BPIFB3: variants seen among roughly 807,000 people sequenced by gnomAD.
BPIFB3 encodes the protein BPI fold containing family B member 3.
BPIFB3 carries 49 observed loss-of-function variants against 53.1 expected under a neutral mutation model. The ratio of observed to expected loss-of-function variants is 0.92; its 90% confidence interval spans 0.73 to 1.17. BPIFB3 has a LOEUF of 1.17. Among genes scored for constraint, BPIFB3 ranks in the 50% most tolerant of loss-of-function variants. BPIFB3 has a pLI of 0.00. For synonymous variants in BPIFB3, 271 were observed against 269.6 expected (o/e 1.01, Z -0.05); for missense variants, 628 against 592.5 (o/e 1.06, Z -0.62).
chr20:33,068,259 T>C (rs1980744445), intron 9 of BPIFB3, among the ~76,000 whole-genome samples: 1 of 152,062 alleles, frequency 6.6e-6, no homozygotes, highest in Admixed American at 6.6e-5. Context: ...GAGCATGGAG[T>C]GGCGAAGCTG....
intron 11 of BPIFB3, 123 bp downstream of exon 12, chr20:33,070,078 T>G (rs1299853458): frequency 2.6e-6 from 3 of 1,154,956 alleles, no homozygotes; most frequent in Non-Finnish European, 3.8e-6. Context: ...TCCAGCATCC[T>G]CCTTGCCTTC....
At chr20:33,062,039 C>G (rs1980482372) in intron 5 of BPIFB3, among the ~76,000 whole-genome samples, 1 of 132,336 alleles carries the variant, frequency 7.6e-6, no homozygotes, top group African/African-American at 2.9e-5. Context: ...CGGCCTGGGT[C>G]CCCTGCTCCC....
At chr20:33,068,745 G>T in intron 9 of BPIFB3, 58 bp from the exon 11 acceptor site, 1 of 1,540,946 alleles carries the variant, frequency 6.5e-7, no homozygotes, top group Non-Finnish European at 8.8e-7. Flanking sequence ...AGTGTTTGCT[G>T]ACTGACTGAC....
At chr20:33,069,854 T>C in intron 10 of BPIFB3, 34 bp from the exon 12 acceptor site, 3 of 1,612,192 alleles carry the variant, frequency 1.9e-6, no homozygotes, top group Non-Finnish European at 2.5e-6. Context: ...CTTCTGCCGA[T>C]TGGGGGTGAC....
chr20:33,055,301 G>T, upstream of BPIFB3: 1 of 1,441,532 alleles, frequency 6.9e-7, no homozygotes, highest in South Asian at 1.3e-5. Flanking sequence ...TTTCCTGGGA[G>T]TGAAGCTCAA....
chr20:33,070,177 C>T (rs1980827905), intron 11 of BPIFB3, among the ~76,000 whole-genome samples: 1 of 152,194 alleles, frequency 6.6e-6, no homozygotes, highest in Non-Finnish European at 1.5e-5. Context: ...TGGGCTTCTT[C>T]CACGGCACCC....
intron 4 of BPIFB3, 56 bp downstream of exon 5, chr20:33,060,087 C>G: frequency 6.3e-7 from 1 of 1,579,288 alleles, no homozygotes; most frequent in South Asian, 1.1e-5. Context: ...ATCTCGCACC[C>G]ATCTGGGCAT....
intron 13 of BPIFB3, among the ~76,000 whole-genome samples, 156 bp downstream of exon 14, chr20:33,072,323 C>A (rs1315209753): frequency 6.6e-6 from 1 of 152,152 alleles, no homozygotes; most frequent in African/African-American, 2.4e-5. Context: ...CCAATTTTTC[C>A]ATTTAAATGA....
chr20:33,061,707 T>C, intron 4 of BPIFB3, 61 bp from the exon 6 acceptor site: 1 of 1,536,794 alleles, frequency 6.5e-7, no homozygotes, highest in Non-Finnish European at 9.0e-7. Flanking sequence ...CGCCCGACCC[T>C]GTCATCTGGG....
chr20:33,066,708 A>C (rs191652633), intron 8 of BPIFB3, 116 bp from the exon 10 acceptor site: 1 of 912,434 alleles, frequency 1.1e-6, no homozygotes, highest in Admixed American at 1.8e-5. Context: ...GTAGTGATAT[A>C]TGTATGAAAT....
chr20:33,068,059 G>T (rs191512449), intron 9 of BPIFB3, among the ~76,000 whole-genome samples: 1 of 152,218 alleles, frequency 6.6e-6, no homozygotes, highest in Non-Finnish European at 1.5e-5. Flanking sequence ...GGCAGTCAGC[G>T]TATATCCACT....
rs771909421 is a variant in BPIFB3 at position 33,068,662 on chromosome 20, G to A, written c.979-141G>A. On this transcript the variant is annotated intron_variant, in intron 9 of 14. Transcript: ENST00000375494. The stretch of plus-strand genomic sequence containing the variant: ...TGAGTGTCAGCCTCATGGGGGCTGA[G>A]CCCAGGCCTGTGTCTTTCAGGCTGT... 44 of 856,652 alleles carry A rather than the reference G, an allele frequency of 5.1e-5. 1 individual carries two copies. Among genetic ancestry groups the A allele is most frequent in the Non-Finnish European group, 5.7e-5 (32 of 560,630 alleles). The allele number at this position is 856,652 out of a possible 1,614,324, so 53.1% of individuals were successfully genotyped here.
At chr20:33,064,338 C>T in intron 6 of BPIFB3, 119 bp from the exon 8 acceptor site, 1 of 808,190 alleles carries the variant, frequency 1.2e-6, no homozygotes, top group Non-Finnish European at 2.0e-6. Flanking sequence ...CAGTAGCAGC[C>T]AAGTGAATGC....
upstream of BPIFB3, among the ~76,000 whole-genome samples, chr20:33,055,216 T>C (rs1452427015): frequency 6.6e-6 from 1 of 152,234 alleles, no homozygotes; most frequent in East Asian, 1.9e-4. Flanking sequence ...GAAAGTGCCT[T>C]GGAGACTTGA....
intron 11 of BPIFB3, 32 bp downstream of exon 12, chr20:33,069,987 T>A: frequency 1.2e-6 from 2 of 1,610,176 alleles, no homozygotes; most frequent in Non-Finnish European, 1.7e-6. Flanking sequence ...AGGATCTTGT[T>A]CTTGTCTTTA....
chr20:33,061,835 A>C lies in BPIFB3; in HGVS notation c.591+4A>C. ...CTTCAAGGTGCTTCCGGGACTGGTG[A>C]GTGTGCGGGCCGTGTGCCAGCATGC... is the stretch of plus-strand genomic sequence containing the variant. On this transcript the variant is annotated splice_donor_region_variant and intron_variant, in intron 5 of 14. Coordinates refer to ENST00000375494, the Ensembl canonical transcript of BPIFB3. The C allele has an allele frequency of 6.2e-7, 1 of 1,614,020 alleles. No homozygotes were observed. The highest frequency in any genetic ancestry group is 1.1e-5 in the South Asian group (1 of 91,070).
Position 33,064,918 on chromosome 20 carries a change from C to G in BPIFB3, c.924+73C>G, listed in dbSNP as rs1387612796. ...GTGCCTTGGCATTACTAGTGTTGAC[C>G]TAGGCCCTGATCAGCCTTGCTGAGC... On this transcript the variant is annotated intron_variant, in intron 8 of 14. Coordinates refer to ENST00000375494, the Ensembl canonical transcript of BPIFB3. The G allele has an allele frequency of 1.6e-5, 24 of 1,507,122 alleles. 1 individual carries two copies. In the Admixed American group the frequency reaches 4.4e-4, roughly 28 times the overall value. 93.4% of individuals were successfully genotyped at this position (1,507,122 alleles called of 1,614,324 possible). A position where few individuals can be genotyped will look rare whatever the true frequency, so the allele number is the denominator to read the frequency against.
intron 12 of BPIFB3, among the ~76,000 whole-genome samples, 162 bp downstream of exon 13, chr20:33,071,457 G>A (rs983205956): frequency 4.6e-5 from 7 of 152,114 alleles, no homozygotes; most frequent in Non-Finnish European, 7.4e-5. Context: ...GCGGGTGTGC[G>A]TGAGAGAGAG....
chr20:33,059,941 G>C (rs781712029), exon 4 of BPIFB3: 3 of 1,613,998 alleles, frequency 1.9e-6, no homozygotes, highest in Non-Finnish European at 2.5e-6. Context: ...GTGACATCGC[G>C]GGTGGCGCTG....
Sources: gnomAD v4.1 joint callset for allele counts (sites outside exome capture counted in the v4.1 genomes callset) on GRCh38, gnomAD v4.1.1 for gene constraint, MANE v1.5 for transcripts, NCBI Gene and HGNC (gene_info 2026-07-23, HGNC 2026-07-21) for gene names.